DTNA: variants seen among roughly 807,000 people sequenced by gnomAD.
DTNA encodes the protein dystrobrevin alpha.
In DTNA, 43 loss-of-function variants were observed where a neutral mutation model predicts 100.7. That is an observed-to-expected ratio of 0.43 (90% CI 0.33 to 0.55). The LOEUF (loss-of-function observed/expected upper bound fraction) is 0.55. Ranked by LOEUF, DTNA falls within the 20% of genes least tolerant of loss-of-function variation. DTNA has a pLI of 0.04. For synonymous variants in DTNA, 349 were observed against 347.9 expected (o/e 1.00, Z -0.04); for missense variants, 798 against 953.9 (o/e 0.84, Z 2.15).
intron 13 of DTNA, among the ~76,000 whole-genome samples, 178 bp from the exon 14 acceptor site, chr18:34,848,118 C>A (rs939345858): frequency 3.3e-5 from 5 of 152,186 alleles, no homozygotes; most frequent in Non-Finnish European, 7.3e-5. Context: ...ACCTTCCCGA[C>A]TATATATTAG....
chr18:34,590,404 A>G (rs2049591117), intron 1 of DTNA, among the ~76,000 whole-genome samples: 1 of 152,234 alleles, frequency 6.6e-6, no homozygotes. Context: ...CAAAAATATT[A>G]GCTATAAAAC....
At chr18:34,614,287 C>G (rs1201357113) in intron 1 of DTNA, among the ~76,000 whole-genome samples, 1 of 152,198 alleles carries the variant, frequency 6.6e-6, no homozygotes, top group Non-Finnish European at 1.5e-5. Context: ...TCCAGGAGCT[C>G]TGATGGAGAT....
chr18:34,768,205 C>T (rs1436878158), intron 3 of DTNA, among the ~76,000 whole-genome samples: 1 of 152,180 alleles, frequency 6.6e-6, no homozygotes, highest in Non-Finnish European at 1.5e-5. Flanking sequence ...GGTAGACACT[C>T]TGTCCTCCTT....
intron 17 of DTNA, among the ~76,000 whole-genome samples, chr18:34,869,757 C>G (rs949193716): frequency 2.0e-5 from 3 of 152,212 alleles, no homozygotes; most frequent in African/African-American, 7.2e-5. Context: ...CACGGTGGCT[C>G]ACGCCTGTAA....
chr18:34,639,300 T>C (rs1243114505), intron 1 of DTNA, among the ~76,000 whole-genome samples: 1 of 152,196 alleles, frequency 6.6e-6, no homozygotes, highest in African/African-American at 2.4e-5. Context: ...AGATGCCAAA[T>C]AGCATCACCC....
chr18:34,574,196 T>G (rs1211387474), intron 1 of DTNA: 1 of 152,642 alleles, frequency 6.6e-6, no homozygotes, highest in Non-Finnish European at 1.5e-5. Flanking sequence ...TCATCAACTT[T>G]GGCCAACATA....
At chr18:34,522,620 T>C (rs909726208) in intron 1 of DTNA, among the ~76,000 whole-genome samples, 4 of 152,222 alleles carry the variant, frequency 2.6e-5, no homozygotes. Flanking sequence ...TTAGTGCAGC[T>C]CTGCCCTCTT....
At chr18:34,534,720 A>C (rs557727846) in intron 1 of DTNA, among the ~76,000 whole-genome samples, 84 of 152,020 alleles carry the variant, frequency 5.5e-4, no homozygotes, top group African/African-American at 1.9e-3. Flanking sequence ...TTCACCTCCC[A>C]CTAATGAGTG....
intron 3 of DTNA, among the ~76,000 whole-genome samples, chr18:34,769,724 G>GTTTTTTTTTTTTTTTTTTT (rs1264439291): frequency 9.7e-5 from 4 of 41,416 alleles, no homozygotes; most frequent in Admixed American, 3.8e-4. Context: ...GCCCTCTGGG[G>GTTTTTTTTTTTTTTTTTTT]CTTTTTTTTT....
chr18:34,708,116 C>G (rs2082340087), upstream of DTNA: 1 of 151,930 alleles, frequency 6.6e-6, no homozygotes, highest in Non-Finnish European at 1.5e-5. Flanking sequence ...TTCTTTGTAC[C>G]ATATTCTTCA....
Position 34,838,080 on chromosome 18 carries a change from A to G in DTNA, c.1176-14A>G, listed in dbSNP as rs1428221681. The stretch of plus-strand genomic sequence containing the variant: ...TGTTTACGCTCTTCTTGGCTTTCCC[A>G]TCTTATTAACTAGCTCTCCTCCCAA... On this transcript the variant is annotated splice_polypyrimidine_tract_variant and intron_variant, in intron 11 of 22. Transcript: ENST00000444659. The G allele has an allele frequency of 6.2e-7, 1 of 1,613,358 alleles. No individual in the cohort carries two copies. The highest frequency in any genetic ancestry group is 2.2e-5 in the East Asian group (1 of 44,868).
chr18:34,745,870 G>A (rs1240391110), intron 1 of DTNA, among the ~76,000 whole-genome samples: 2 of 151,988 alleles, frequency 1.3e-5, no homozygotes, highest in African/African-American at 4.8e-5. Flanking sequence ...ATTTTGGTGG[G>A]GTCCATACCT....
At chr18:34,522,628 CTT>C (rs372284013) in intron 1 of DTNA, among the ~76,000 whole-genome samples, 11 of 152,188 alleles carry the variant, frequency 7.2e-5, no homozygotes, top group African/African-American at 2.7e-4. Flanking sequence ...GCTCTGCCCT[CTT>C]TTTATTCATG....
At chr18:34,865,713 G>T (rs2096692984) in intron 17 of DTNA, among the ~76,000 whole-genome samples, 1 of 152,210 alleles carries the variant, frequency 6.6e-6, no homozygotes, top group African/African-American at 2.4e-5. Flanking sequence ...TTTCCCCTCA[G>T]TGAATGACAG....
At chr18:34,709,917 G>T (rs2082585301), upstream of DTNA, among the ~76,000 whole-genome samples, 1 of 152,142 alleles carries the variant, frequency 6.6e-6, no homozygotes, top group Non-Finnish European at 1.5e-5. Context: ...GGAGCTGTGG[G>T]ATTATTGCTG....
intron 1 of DTNA, among the ~76,000 whole-genome samples, chr18:34,592,502 A>ACACACACACG (rs1371552393): frequency 0.031 from 4,668 of 150,538 alleles, 85 homozygotes; most frequent in African/African-American, 0.045. Context: ...ACACACACAC[A>ACACACACACG]CACATTTTGT....
At chr18:34,649,488 T>A (rs1351546878) in intron 1 of DTNA, among the ~76,000 whole-genome samples, 1 of 152,198 alleles carries the variant, frequency 6.6e-6, no homozygotes, top group Non-Finnish European at 1.5e-5. Context: ...AGCATTTACA[T>A]GTGTTAAATG....
chr18:34,700,836 TCTTA>T (rs1434320197), intron 1 of DTNA, among the ~76,000 whole-genome samples: 1 of 152,212 alleles, frequency 6.6e-6, no homozygotes, highest in African/African-American at 2.4e-5. Context: ...CAACCTTGCT[TCTTA>T]CTTCATTGAA....
At chr18:34,592,270 G>T (rs1400278242) in intron 1 of DTNA, among the ~76,000 whole-genome samples, 1 of 152,034 alleles carries the variant, frequency 6.6e-6, no homozygotes, top group East Asian at 1.9e-4. Context: ...ACATAAAGAG[G>T]TTAGTTATTT....
Sources: gnomAD v4.1 joint callset for allele counts (sites outside exome capture counted in the v4.1 genomes callset) on GRCh38, gnomAD v4.1.1 for gene constraint, MANE v1.5 for transcripts, NCBI Gene and HGNC (gene_info 2026-07-23, HGNC 2026-07-21) for gene names.